The following NCALD variants were observed in gnomAD, a reference collection of about 807,000 sequenced individuals.
The protein encoded by NCALD is neurocalcin-delta.
Under a neutral mutation model 18.6 loss-of-function variants are expected in NCALD, and 10 were observed. That is an observed-to-expected ratio of 0.54 (90% confidence interval 0.33 to 0.91). The LOEUF is 0.91. Ranked by LOEUF, NCALD falls within the 40% of genes least tolerant of loss-of-function variation. NCALD has a pLI of 0.03. For missense variants in NCALD, 184 were observed against 247.6 expected (o/e 0.74, Z 1.72); for synonymous variants, 88 against 87.4 (o/e 1.01, Z -0.04).
chr8:101,777,944 G>C (rs2130934765), intron 1 of NCALD, among the ~76,000 whole-genome samples: 1 of 152,292 alleles, frequency 6.6e-6, no homozygotes, highest in South Asian at 2.1e-4. Context: ...GATGAGAGCT[G>C]TTCTTCTCAA....
At chr8:101,754,794 G>T (rs1301112634) in intron 1 of NCALD, among the ~76,000 whole-genome samples, 2 of 151,974 alleles carry the variant, frequency 1.3e-5, no homozygotes, top group East Asian at 3.9e-4. Context: ...CTCTGTAAAG[G>T]CTGTGTTCTT....
chr8:101,861,236 A>G (rs1404659866), intron 4 of NCALD, among the ~76,000 whole-genome samples: 2 of 152,082 alleles, frequency 1.3e-5, no homozygotes, highest in East Asian at 3.9e-4. Context: ...AATATGGGCA[A>G]CTTTGTTCCT....
At chr8:102,097,728 T>C (rs1163260769) in intron 1 of NCALD, among the ~76,000 whole-genome samples, 2 of 152,244 alleles carry the variant, frequency 1.3e-5, no homozygotes, top group African/African-American at 4.8e-5. Flanking sequence ...CACTGAAACC[T>C]TGGTCTTCCT....
At chr8:102,075,210 G>A (rs1824304159) in intron 1 of NCALD, among the ~76,000 whole-genome samples, 1 of 152,128 alleles carries the variant, frequency 6.6e-6, no homozygotes, top group Non-Finnish European at 1.5e-5. Flanking sequence ...ACAACTCACA[G>A]CAAGTGCCAC....
intron 4 of NCALD, among the ~76,000 whole-genome samples, chr8:101,812,134 C>T (rs1446168050): frequency 6.6e-6 from 1 of 152,136 alleles, no homozygotes; most frequent in Non-Finnish European, 1.5e-5. Context: ...CATCGGTTTT[C>T]TAAGTAGTTA....
chr8:101,742,099 A>AAAATTAGCTGGGCGGGTC (rs1810222377), intron 1 of NCALD, among the ~76,000 whole-genome samples: 1 of 151,756 alleles, frequency 6.6e-6, no homozygotes, highest in Non-Finnish European at 1.5e-5. Context: ...TGAAAAAAAA[A>AAAATTAGCTGGGCGGGTC]AAAATTAGCT....
At chr8:101,791,222 T>C (rs1449674992), upstream of NCALD, among the ~76,000 whole-genome samples, 1 of 152,192 alleles carries the variant, frequency 6.6e-6, no homozygotes, top group Non-Finnish European at 1.5e-5. Context: ...CCAGAATGCC[T>C]ACAACTTTCC....
chr8:102,058,440 C>G (rs963553049), intron 1 of NCALD, among the ~76,000 whole-genome samples: 2 of 152,150 alleles, frequency 1.3e-5, no homozygotes, highest in African/African-American at 4.8e-5. Context: ...TATACCTGTC[C>G]CTGTGGGCAC....
intron 1 of NCALD, among the ~76,000 whole-genome samples, chr8:102,067,301 A>G (rs1299229312): frequency 2.0e-5 from 3 of 152,214 alleles, no homozygotes; most frequent in Non-Finnish European, 4.4e-5. Flanking sequence ...ACAACAACTG[A>G]ATCCAAAGTG....
intron 3 of NCALD, among the ~76,000 whole-genome samples, chr8:101,891,241 T>A (rs895266955): frequency 2.0e-5 from 3 of 152,154 alleles, no homozygotes; most frequent in African/African-American, 7.2e-5. Flanking sequence ...CAGAACTCCA[T>A]CCTACTACCA....
chr8:101,891,856 G>C (rs538875611), intron 3 of NCALD, among the ~76,000 whole-genome samples: 1 of 152,318 alleles, frequency 6.6e-6, no homozygotes, highest in East Asian at 1.9e-4. Context: ...TGGCTCGGAG[G>C]GTCCTACGCC....
intron 1 of NCALD, among the ~76,000 whole-genome samples, chr8:101,751,696 C>T (rs1810666963): frequency 6.6e-6 from 1 of 152,074 alleles, no homozygotes; most frequent in Admixed American, 6.6e-5. Context: ...ACAAAGGAAA[C>T]AATGATCTTC....
chr8:102,056,432 C>T (rs986939878), intron 1 of NCALD, among the ~76,000 whole-genome samples: 4 of 152,220 alleles, frequency 2.6e-5, no homozygotes, highest in African/African-American at 9.6e-5. Flanking sequence ...ATGCTCATTA[C>T]AGACCCTTGC....
intron 2 of NCALD, among the ~76,000 whole-genome samples, chr8:102,003,055 CAA>C (rs767573337): frequency 6.6e-6 from 1 of 150,542 alleles, no homozygotes; most frequent in African/African-American, 2.4e-5. Flanking sequence ...AACAGAGACA[CAA>C]AAAAAAACCT....
intron 1 of NCALD, among the ~76,000 whole-genome samples, chr8:102,054,663 TA>T (rs1563578079): frequency 4.3e-4 from 6 of 13,980 alleles, no homozygotes; most frequent in Admixed American, 2.1e-3. Flanking sequence ...TCTCTTCCGA[TA>T]GATAGATAGA....
chr8:101,783,735 G>A (rs998712313), intron 1 of NCALD, among the ~76,000 whole-genome samples: 1 of 152,174 alleles, frequency 6.6e-6, no homozygotes, highest in African/African-American at 2.4e-5. Context: ...GCCAATGAGC[G>A]AGATCTTGCT....
chr8:101,840,279 A>G (rs1814590663), intron 4 of NCALD, among the ~76,000 whole-genome samples: 1 of 152,198 alleles, frequency 6.6e-6, no homozygotes, highest in Non-Finnish European at 1.5e-5. Context: ...ATGTATGTGC[A>G]CACACAGGAG....
intron 1 of NCALD, among the ~76,000 whole-genome samples, chr8:102,084,761 T>C (rs1238660602): frequency 6.6e-6 from 1 of 152,170 alleles, no homozygotes; most frequent in Non-Finnish European, 1.5e-5. Context: ...GGAGATCTTA[T>C]CAGGAAGCAG....
intron 2 of NCALD, among the ~76,000 whole-genome samples, chr8:101,705,558 T>TG (rs1453260536): frequency 3.3e-5 from 5 of 152,148 alleles, no homozygotes; most frequent in Non-Finnish European, 7.4e-5. Context: ...CTGGAGGTCT[T>TG]GGTGAGCCAT....
Sources: gnomAD v4.1 joint callset for allele counts (sites outside exome capture counted in the v4.1 genomes callset) on GRCh38, gnomAD v4.1.1 for gene constraint, MANE v1.5 for transcripts, NCBI Gene and HGNC (gene_info 2026-07-23, HGNC 2026-07-21) for gene names.